ADAMTS12: variants seen among roughly 807,000 people sequenced by gnomAD.
ADAMTS12 encodes ADAM metallopeptidase with thrombospondin type 1 motif 12.
A neutral mutation model predicts 167.8 loss-of-function variants in ADAMTS12; 118 were observed. That is an observed-to-expected ratio of 0.70 (90% CI 0.61 to 0.82). The LOEUF (loss-of-function observed/expected upper bound fraction) is 0.82, where lower values mean the gene tolerates loss of function less well. Among genes scored for constraint, ADAMTS12 ranks in the 40% least tolerant of loss-of-function variants. The pLI, the probability that ADAMTS12 is intolerant of heterozygous loss-of-function variation, is 0.00. For missense variants in ADAMTS12, 1,916 were observed against 1,998.8 expected, an observed-to-expected ratio of 0.96 and a Z score of 0.79; for synonymous variants, 704 against 716.9, an observed-to-expected ratio of 0.98 and a Z score of 0.29.
intron 19 of ADAMTS12, among the ~76,000 whole-genome samples, chr5:33,567,225 C>T (rs1035477676): frequency 4.6e-5 from 7 of 152,174 alleles, no homozygotes; most frequent in South Asian, 2.1e-4. Flanking sequence ...TGCCTTTTAT[C>T]GCCTACTCTT....
At chr5:33,705,889 A>G (rs1743185274) in intron 3 of ADAMTS12, among the ~76,000 whole-genome samples, 1 of 152,136 alleles carries the variant, frequency 6.6e-6, no homozygotes, top group African/African-American at 2.4e-5. Context: ...AAATAGCTAC[A>G]AAAAATATAA....
chr5:33,625,401 C>T (rs185753508), intron 13 of ADAMTS12, among the ~76,000 whole-genome samples: 2 of 152,212 alleles, frequency 1.3e-5, no homozygotes, highest in Non-Finnish European at 2.9e-5. Context: ...AAAATGCCAG[C>T]CCTTCACAAG....
chr5:33,658,055 G>A lies in ADAMTS12; in HGVS notation c.1190+129C>T, dbSNP rs1302864515. 9.1e-5 allele frequency: 107 copies of A among 1,172,376 alleles called. 3 individuals carry two copies. The highest frequency in any genetic ancestry group is 1.6e-5 in the Non-Finnish European group (13 of 817,934). 72.6% of individuals were successfully genotyped at this position (1,172,376 alleles called of 1,614,324 possible). On this transcript the variant is annotated intron_variant, in intron 7 of 23. Transcript: ENST00000504830. ...CAGATGAAAGCAGAGGTTGAGGAGGGTGAGTCACAAGCCACAGTATAATCT... is the reference window on the plus strand; with the variant it reads ...CAGATGAAAGCAGAGGTTGAGGAGGATGAGTCACAAGCCACAGTATAATCT...
intron 3 of ADAMTS12, among the ~76,000 whole-genome samples, chr5:33,730,328 G>A (rs1579882842): frequency 6.7e-6 from 1 of 149,064 alleles, no homozygotes; most frequent in South Asian, 2.1e-4. Context: ...GTGTCTGTGT[G>A]TGTGTTTCTG....
At chr5:33,614,122 C>A (rs1738865665) in intron 16 of ADAMTS12, 116 bp downstream of exon 16, 1 of 1,396,672 alleles carries the variant, frequency 7.2e-7, no homozygotes, top group African/African-American at 1.4e-5. Context: ...CTGGCCATCT[C>A]AGTGGAGCCC....
At chr5:33,888,736 G>A (rs1750734886) in intron 1 of ADAMTS12, among the ~76,000 whole-genome samples, 1 of 152,142 alleles carries the variant, frequency 6.6e-6, no homozygotes. Context: ...ACAAACCTAA[G>A]GGGATATGAT....
chr5:33,585,639 C>T (rs1747307702), intron 18 of ADAMTS12, among the ~76,000 whole-genome samples: 1 of 152,204 alleles, frequency 6.6e-6, no homozygotes, highest in Non-Finnish European at 1.5e-5. Context: ...ACTTTGATAC[C>T]TGGTCTCTGT....
intron 3 of ADAMTS12, among the ~76,000 whole-genome samples, chr5:33,719,477 T>C (rs1046373960): frequency 6.6e-6 from 1 of 152,230 alleles, no homozygotes; most frequent in Non-Finnish European, 1.5e-5. Context: ...GCAATTCCAT[T>C]TCTAGAAATT....
intron 2 of ADAMTS12, among the ~76,000 whole-genome samples, chr5:33,785,045 T>G (rs1453098391): frequency 6.6e-6 from 1 of 152,008 alleles, no homozygotes; most frequent in African/African-American, 2.4e-5. Flanking sequence ...TTGAACAAAG[T>G]TGGCCCAGGC....
chr5:33,831,063 A>G (rs961251), intron 2 of ADAMTS12, among the ~76,000 whole-genome samples: 126,717 of 152,080 alleles, frequency 0.83, 53,084 homozygotes, highest in Non-Finnish European at 0.88. Flanking sequence ...GAACACACAC[A>G]AAAACACACA....
intron 23 of ADAMTS12, among the ~76,000 whole-genome samples, chr5:33,527,591 T>C (rs1743884710): frequency 1.3e-5 from 2 of 152,182 alleles, no homozygotes; most frequent in Admixed American, 6.5e-5. Context: ...CATGTAATTG[T>C]TTTATACAGA....
chr5:33,850,551 T>C (rs1749185356), intron 2 of ADAMTS12, among the ~76,000 whole-genome samples: 1 of 152,338 alleles, frequency 6.6e-6, no homozygotes, highest in South Asian at 2.1e-4. Context: ...TAGGCCTCTC[T>C]CATTGCAGCA....
chr5:33,657,869 T>G (rs1046921055), intron 7 of ADAMTS12, among the ~76,000 whole-genome samples: 1 of 152,184 alleles, frequency 6.6e-6, no homozygotes, highest in African/African-American at 2.4e-5. Flanking sequence ...CCAAGGGTTA[T>G]TCCTCAATTA....
At chr5:33,583,902 A>G (rs1747203811) in intron 18 of ADAMTS12, among the ~76,000 whole-genome samples, 1 of 152,200 alleles carries the variant, frequency 6.6e-6, no homozygotes, top group South Asian at 2.1e-4. Context: ...CTGATTTCTC[A>G]GCAATTGTCA....
chr5:33,743,443 A>G (rs1223395266), intron 3 of ADAMTS12, among the ~76,000 whole-genome samples: 2 of 152,180 alleles, frequency 1.3e-5, no homozygotes, highest in Non-Finnish European at 2.9e-5. Flanking sequence ...GCTGTGGCCA[A>G]TTGGCTGGGC....
chr5:33,655,920 T>A (rs1462242904), intron 7 of ADAMTS12, among the ~76,000 whole-genome samples: 1 of 152,158 alleles, frequency 6.6e-6, no homozygotes, highest in Non-Finnish European at 1.5e-5. Context: ...TGGTTTTCTG[T>A]TCCTGTGTTA....
intron 7 of ADAMTS12, among the ~76,000 whole-genome samples, chr5:33,651,510 A>G (rs568838515): frequency 6.6e-6 from 1 of 152,296 alleles, no homozygotes; most frequent in Non-Finnish European, 1.5e-5. Context: ...ATATTGTTTT[A>G]ATATATTTTT....
intron 2 of ADAMTS12, among the ~76,000 whole-genome samples, chr5:33,824,960 C>T (rs887299437): frequency 4.6e-5 from 7 of 152,130 alleles, no homozygotes; most frequent in African/African-American, 1.7e-4. Flanking sequence ...TGAGCTACCA[C>T]TGGAAGGAGA....
chr5:33,710,111 T>G lies in ADAMTS12; in HGVS notation c.635-26056A>C, dbSNP rs190453043. On this transcript the variant is annotated intron_variant, in intron 3 of 23. Coordinates refer to ENST00000504830, the MANE Select transcript of ADAMTS12 (RefSeq NM_030955.4). Reference sequence around the variant, plus strand: ...GGACTGTTACGGTGACCCAAAGATATGCTAGGTATGACCATTCCATAAAAA... The same window carrying G: ...GGACTGTTACGGTGACCCAAAGATAGGCTAGGTATGACCATTCCATAAAAA... 3.3e-5 allele frequency among the ~76,000 whole-genome samples: 5 copies of G among 152,298 alleles called. 1 individual carries two copies. Among genetic ancestry groups the G allele is most frequent in the Admixed American group, 3.3e-4 (5 of 15,288 alleles).
Sources: gnomAD v4.1 joint callset for allele counts (sites outside exome capture counted in the v4.1 genomes callset) on GRCh38, gnomAD v4.1.1 for gene constraint, MANE v1.5 for transcripts, NCBI Gene and HGNC (gene_info 2026-07-23, HGNC 2026-07-21) for gene names.